Variants in ZCCHC7 observed in about 807,000 individuals in gnomAD.
ZCCHC7 encodes zinc finger CCHC domain-containing protein 7.
Under a neutral mutation model 52.0 loss-of-function variants are expected in ZCCHC7, and 35 were observed. That is an observed-to-expected ratio of 0.67 (90% confidence interval 0.51 to 0.89). The LOEUF is 0.89. Ranked by LOEUF, ZCCHC7 falls within the 40% of genes least tolerant of loss-of-function variation. ZCCHC7 has a pLI of 0.00. For missense variants in ZCCHC7, 574 were observed against 649.1 expected (o/e 0.88, Z 1.26); for synonymous variants, 217 against 221.5 (o/e 0.98, Z 0.18).
At chr9:37,280,810 C>T (rs1827922842) in intron 2 of ZCCHC7, among the ~76,000 whole-genome samples, 1 of 151,578 alleles carries the variant, frequency 6.6e-6, no homozygotes, top group African/African-American at 2.4e-5. Flanking sequence ...GCTTTGTCAC[C>T]CAGGTTGGAA....
At chr9:37,311,541 C>A (rs923175289) in intron 5 of ZCCHC7, among the ~76,000 whole-genome samples, 2 of 152,130 alleles carry the variant, frequency 1.3e-5, no homozygotes, top group African/African-American at 4.8e-5. Context: ...TCCCAAGTAG[C>A]TGGGATTACA....
At chr9:37,288,411 A>G (rs962380134) in intron 2 of ZCCHC7, among the ~76,000 whole-genome samples, 2 of 149,728 alleles carry the variant, frequency 1.3e-5, no homozygotes, top group African/African-American at 4.9e-5. Context: ...TTATCCATCT[A>G]ATATACAAAT....
chr9:37,355,934 G>A (rs1479370361), intron 8 of ZCCHC7, among the ~76,000 whole-genome samples: 1 of 152,174 alleles, frequency 6.6e-6, no homozygotes, highest in Non-Finnish European at 1.5e-5. Context: ...AGGATTATAT[G>A]TGCTTTCTGT....
chr9:37,124,591 A>G (rs1249939020), intron 1 of ZCCHC7, among the ~76,000 whole-genome samples: 3 of 152,134 alleles, frequency 2.0e-5, no homozygotes, highest in Non-Finnish European at 4.4e-5. Context: ...TGAATAAGTA[A>G]TTATAAATGT....
intron 2 of ZCCHC7, among the ~76,000 whole-genome samples, chr9:37,217,521 A>G (rs915385512): frequency 6.6e-6 from 1 of 152,128 alleles, no homozygotes; most frequent in Non-Finnish European, 1.5e-5. Context: ...TTTCGCCTCA[A>G]ATTTGATTAA....
chr9:37,196,272 A>C (rs963727590), intron 2 of ZCCHC7, among the ~76,000 whole-genome samples: 6 of 152,196 alleles, frequency 3.9e-5, no homozygotes, highest in African/African-American at 1.4e-4. Flanking sequence ...AATGAAAGAG[A>C]GTGAACTGTT....
At chr9:37,192,164 T>G (rs1823052426) in intron 2 of ZCCHC7, among the ~76,000 whole-genome samples, 2 of 152,246 alleles carry the variant, frequency 1.3e-5, no homozygotes, top group African/African-American at 4.8e-5. Context: ...TATAGGGTTA[T>G]GTAGTCCAGT....
intron 7 of ZCCHC7, among the ~76,000 whole-genome samples, chr9:37,352,547 T>G (rs1821447777): frequency 1.4e-5 from 2 of 141,436 alleles, no homozygotes; most frequent in Admixed American, 6.9e-5. Flanking sequence ...AGACAGAGTT[T>G]CGCCCTTGTT....
chr9:37,228,044 G>A (rs1400271948), intron 2 of ZCCHC7, among the ~76,000 whole-genome samples: 1 of 152,130 alleles, frequency 6.6e-6, no homozygotes, highest in African/African-American at 2.4e-5. Flanking sequence ...TGATCCACCT[G>A]CGTCGGACTC....
intron 6 of ZCCHC7, among the ~76,000 whole-genome samples, chr9:37,335,646 A>G (rs1198570967): frequency 6.6e-6 from 1 of 152,194 alleles, no homozygotes; most frequent in Non-Finnish European, 1.5e-5. Flanking sequence ...TCAGGTTATT[A>G]TAATGTCTTC....
At chr9:37,139,671 A>T (rs1464449440) in intron 2 of ZCCHC7, among the ~76,000 whole-genome samples, 2 of 152,026 alleles carry the variant, frequency 1.3e-5, no homozygotes, top group African/African-American at 4.8e-5. Context: ...GGAAGACAGC[A>T]TAAATCTGTG....
chr9:37,120,772 T>G lies in ZCCHC7; in HGVS notation c.-22+149T>G, dbSNP rs545904671. ...CCCCTCACTCGTGGCAGGGCGCAGCTCCTGGTCCGTCACCTGCGCGCCGCC... is the reference window on the plus strand; with the variant it reads ...CCCCTCACTCGTGGCAGGGCGCAGCGCCTGGTCCGTCACCTGCGCGCCGCC... On this transcript the variant is annotated intron_variant, in intron 1 of 8. Coordinates refer to ENST00000336755, the MANE Select transcript of ZCCHC7 (RefSeq NM_032226.3). 187 of 337,080 alleles carry G rather than the reference T, an allele frequency of 5.5e-4. 1 individual carries two copies. Among genetic ancestry groups the G allele is most frequent in the African/African-American group, 3.6e-3 (171 of 47,068 alleles). 20.9% of individuals were successfully genotyped at this position (337,080 alleles called of 1,614,324 possible).
intron 2 of ZCCHC7, among the ~76,000 whole-genome samples, chr9:37,295,058 A>G (rs747725054): frequency 1.3e-4 from 20 of 152,210 alleles, no homozygotes; most frequent in Non-Finnish European, 2.8e-4. Flanking sequence ...AGATATAAAG[A>G]TAGAAATTAC....
At chr9:37,165,139 A>C (rs1486521783) in intron 2 of ZCCHC7, among the ~76,000 whole-genome samples, 2 of 152,194 alleles carry the variant, frequency 1.3e-5, no homozygotes, top group Non-Finnish European at 2.9e-5. Flanking sequence ...TTAAAATTAC[A>C]GTTTCCAGTA....
At chr9:37,341,182 C>CA (rs1167204777) in intron 6 of ZCCHC7, among the ~76,000 whole-genome samples, 1 of 152,106 alleles carries the variant, frequency 6.6e-6, no homozygotes, top group Non-Finnish European at 1.5e-5. Flanking sequence ...CTGATTTTGT[C>CA]AGAGTATATA....
intron 5 of ZCCHC7, among the ~76,000 whole-genome samples, chr9:37,317,602 G>C (rs1461849503): frequency 1.3e-5 from 2 of 152,046 alleles, no homozygotes; most frequent in Admixed American, 6.6e-5. Flanking sequence ...TTATAGTAAT[G>C]TGGTTTATAG....
intron 5 of ZCCHC7, among the ~76,000 whole-genome samples, chr9:37,310,408 A>G (rs1026524838): frequency 4.6e-5 from 7 of 152,244 alleles, no homozygotes; most frequent in African/African-American, 1.4e-4. Flanking sequence ...AACAACAGCC[A>G]TACATAATTG....
chr9:37,237,087 GTAC>G (rs2133340807), intron 2 of ZCCHC7, among the ~76,000 whole-genome samples: 1 of 152,206 alleles, frequency 6.6e-6, no homozygotes, highest in South Asian at 2.1e-4. Context: ...TTTGAAACCA[GTAC>G]TAGTCAAGCT....
intron 4 of ZCCHC7, 62 bp downstream of exon 4, chr9:37,304,375 T>C (rs1043218182): frequency 2.4e-5 from 37 of 1,571,100 alleles, no homozygotes; most frequent in Non-Finnish European, 3.1e-5. Flanking sequence ...AGGGTGAGGC[T>C]GGGCACGGTG....
Sources: gnomAD v4.1 joint callset for allele counts (sites outside exome capture counted in the v4.1 genomes callset) on GRCh38, gnomAD v4.1.1 for gene constraint, MANE v1.5 for transcripts, NCBI Gene and HGNC (gene_info 2026-07-23, HGNC 2026-07-21) for gene names.